CDC40: variants seen among roughly 807,000 people sequenced by gnomAD.
CDC40 encodes the protein cell division cycle 40.
A neutral mutation model predicts 80.6 loss-of-function variants in CDC40; 27 were observed. The observed-to-expected ratio is 0.33, with a 90% CI of 0.25 to 0.46. CDC40 has a LOEUF of 0.46. CDC40 is among the 20% of genes least tolerant of loss of function. The pLI is 1.00. For missense variants in CDC40, 486 were observed against 694.1 expected, an observed-to-expected ratio of 0.70 and a Z score of 3.37; for synonymous variants, 221 against 232.6, an observed-to-expected ratio of 0.95 and a Z score of 0.45.
At chr6:110,228,277 A>G (rs1381676885) in intron 13 of CDC40, among the ~76,000 whole-genome samples, 1 of 152,242 alleles carries the variant, frequency 6.6e-6, no homozygotes, top group Non-Finnish European at 1.5e-5. Context: ...TAAGTGGTGC[A>G]TGACTATAGA....
In CDC40 at chr6:110,201,632, A is replaced by T. The variant is rs528190920; in HGVS notation, c.351A>T (p.Pro117=). The part of the protein sequence containing the change: ...PRNMLSGYAE[P]AHINDFMFEQ... Reference sequence around the variant, plus strand: ...ATATGCTTTCTGGATATGCCGAACCAGCTCATATCAATGATTTCATGTTTG... The same window carrying T: ...ATATGCTTTCTGGATATGCCGAACCTGCTCATATCAATGATTTCATGTTTG... The change falls in exon 3 of 15, where the codon CCA becomes CCT. Residue 117 remains proline, a synonymous_variant. Coordinates refer to ENST00000307731, the MANE Select transcript of CDC40 (RefSeq NM_015891.3). 9.3e-6 allele frequency: 15 copies of T among 1,613,244 alleles called. No individual in the cohort carries two copies. The highest frequency in any genetic ancestry group is 5.3e-5 in the African/African-American group (4 of 75,032).
chr6:110,230,066 C>A lies in CDC40; in HGVS notation c.1675C>A (p.His559Asn), dbSNP rs1357785100. 6.2e-7 allele frequency: 1 copy of A among 1,611,982 alleles called. No individual in the cohort carries two copies. Among genetic ancestry groups the A allele is most frequent in the Non-Finnish European group, 8.5e-7 (1 of 1,178,172 alleles). Residue 559 changes from histidine to asparagine, a missense_variant, in exon 15 of 15, where the codon CAT becomes AAT. Coordinates refer to ENST00000307731, the MANE Select transcript of CDC40 (RefSeq NM_015891.3). ...TAAAGTGTGTATAGGTGCAGTGTGG[C>A]ATCCTCATGAAACTTCTAAGGTCAT... ...HDKVCIGAVWHPHETSKVITC... is the reference protein window; with the variant it reads ...HDKVCIGAVWNPHETSKVITC...
intron 13 of CDC40, 108 bp from the exon 14 acceptor site, chr6:110,228,724 G>T: frequency 2.5e-6 from 2 of 788,474 alleles, no homozygotes; most frequent in Non-Finnish European, 3.8e-6. Context: ...GTATTATAAA[G>T]TATTTGGGAG....
At chr6:110,207,690 C>CTT in intron 4 of CDC40, 101 bp downstream of exon 4, 12 of 608,038 alleles carry the variant, frequency 2.0e-5, no homozygotes, top group South Asian at 6.3e-5. Context: ...GTATTTAGCG[C>CTT]TTTTTTTTTT....
At chr6:110,219,548 A>G in intron 11 of CDC40, 69 bp downstream of exon 11, 1 of 1,099,620 alleles carries the variant, frequency 9.1e-7, no homozygotes, top group South Asian at 1.3e-5. Flanking sequence ...GAATAAGTTA[A>G]TAAGCTAATA....
At position 110,230,739 on chromosome 6, in the gene CDC40, G is replaced by C. The variant is rs1436091958; in HGVS notation, c.*608G>C. 6.6e-6 allele frequency: 1 copy of C among 152,122 alleles called. No individual in the cohort carries two copies. Among genetic ancestry groups the C allele is most frequent in the Non-Finnish European group, 1.5e-5 (1 of 68,484 alleles). The allele number at this position is 152,122 out of a possible 1,614,324, so 9.4% of individuals were successfully genotyped here. ...TATAAACAGTGAAAAATCAAAATCAGTCCAGAGTTCTTTTGTTGACTTAAT... is the reference window on the plus strand; with the variant it reads ...TATAAACAGTGAAAAATCAAAATCACTCCAGAGTTCTTTTGTTGACTTAAT... On this transcript the variant is annotated 3_prime_UTR_variant, in exon 15 of 15. Coordinates refer to ENST00000307731, the MANE Select transcript of CDC40 (RefSeq NM_015891.3).
chr6:110,221,482 A>G (rs952444259), intron 12 of CDC40, among the ~76,000 whole-genome samples: 1 of 152,194 alleles, frequency 6.6e-6, no homozygotes, highest in African/African-American at 2.4e-5. Context: ...ATTAGTAGAG[A>G]GTAGTCTTAA....
At chr6:110,225,872 T>C (rs1243910750) in intron 12 of CDC40, among the ~76,000 whole-genome samples, 2 of 152,240 alleles carry the variant, frequency 1.3e-5, no homozygotes, top group Non-Finnish European at 2.9e-5. Flanking sequence ...TAAAGAACTT[T>C]CTTTCAGTAA....
intron 3 of CDC40, among the ~76,000 whole-genome samples, chr6:110,204,115 G>A (rs148368819): frequency 0.026 from 3,955 of 152,038 alleles, 97 homozygotes; most frequent in Non-Finnish European, 0.039. Context: ...TGGGTTCAAC[G>A]CCATTCTCCT....
chr6:110,183,175 C>T (rs1777222365), intron 1 of CDC40, among the ~76,000 whole-genome samples: 2 of 152,188 alleles, frequency 1.3e-5, no homozygotes, highest in Admixed American at 6.5e-5. Context: ...GCCCCTTTAT[C>T]ATATCTTAAC....
At chr6:110,214,813 C>T (rs868668942) in intron 8 of CDC40, among the ~76,000 whole-genome samples, 18 of 152,200 alleles carry the variant, frequency 1.2e-4, no homozygotes, top group African/African-American at 3.6e-4. Context: ...CATTTTCTTA[C>T]AGCTTCTGTA....
At chr6:110,211,926 G>T (rs1034654964) in intron 6 of CDC40, 3 of 494,132 alleles carry the variant, frequency 6.1e-6, no homozygotes, top group Non-Finnish European at 7.2e-6. Flanking sequence ...TAGGAATTTC[G>T]AAATACTACC....
At position 110,180,619 on chromosome 6, in the gene CDC40, G is replaced by A. The variant is rs995928546; in HGVS notation, c.175G>A (p.Glu59Lys). 1.1e-5 allele frequency: 18 copies of A among 1,612,820 alleles called. No homozygotes were observed. The highest frequency in any genetic ancestry group is 1.4e-5 in the Non-Finnish European group (17 of 1,178,968). ...SLAVAVDSAP[E>K]VAVKEDLETG... Reference sequence around the variant, plus strand: ...AGCAGTGGCAGTGGACTCGGCTCCGGAGGTGGCAGTTAAGGTAAGCACTTT... The same window carrying A: ...AGCAGTGGCAGTGGACTCGGCTCCGAAGGTGGCAGTTAAGGTAAGCACTTT... The change falls in exon 1 of 15, where the codon GAG (glutamate) becomes AAG (lysine). Residue 59 changes from glutamate (E) to lysine (K), a missense_variant. Transcript: ENST00000307731.
intron 1 of CDC40, among the ~76,000 whole-genome samples, chr6:110,184,567 A>G (rs942769385): frequency 2.7e-5 from 4 of 149,474 alleles, no homozygotes; most frequent in African/African-American, 9.9e-5. Context: ...ACATAGCCAT[A>G]TCAGCTGCAA....
chr6:110,203,247 ACT>A (rs745565595), intron 3 of CDC40, among the ~76,000 whole-genome samples: 1 of 152,210 alleles, frequency 6.6e-6, no homozygotes. Flanking sequence ...GCCCCCAGGT[ACT>A]GAGCAAGTAT....
At chr6:110,225,287 T>C (rs1777837114) in intron 12 of CDC40, among the ~76,000 whole-genome samples, 1 of 152,040 alleles carries the variant, frequency 6.6e-6, no homozygotes, top group South Asian at 2.1e-4. Context: ...ACAAAAAAAA[T>C]ATTTCTGGTC....
chr6:110,183,589 A>G (rs1308614893), intron 1 of CDC40, among the ~76,000 whole-genome samples: 2 of 152,230 alleles, frequency 1.3e-5, no homozygotes, highest in East Asian at 1.9e-4. Flanking sequence ...ATGAACCAAC[A>G]CTTGTTTATA....
chr6:110,218,117 A>G (rs1370576069), intron 10 of CDC40, among the ~76,000 whole-genome samples: 1 of 152,252 alleles, frequency 6.6e-6, no homozygotes, highest in African/African-American at 2.4e-5. Flanking sequence ...TGCATTGCAC[A>G]TAACAGAAGT....
At chr6:110,220,601 C>T (rs561265902) in intron 12 of CDC40, among the ~76,000 whole-genome samples, 41 of 152,112 alleles carry the variant, frequency 2.7e-4, no homozygotes, top group Admixed American at 9.2e-4. Flanking sequence ...CCCGCCACCA[C>T]GCCCGGCTAA....
Sources: gnomAD v4.1 joint callset for allele counts (sites outside exome capture counted in the v4.1 genomes callset) on GRCh38, gnomAD v4.1.1 for gene constraint, MANE v1.5 for transcripts, NCBI Gene and HGNC (gene_info 2026-07-23, HGNC 2026-07-21) for gene names.